THSD7A: variants seen among roughly 807,000 people sequenced by gnomAD.
The protein encoded by THSD7A is thrombospondin type-1 domain-containing protein 7A.
Under a neutral mutation model 231.3 loss-of-function variants are expected in THSD7A, and 96 were observed. The observed-to-expected ratio is 0.41, with a 90% CI of 0.35 to 0.49. THSD7A has a LOEUF of 0.49. Ranked by LOEUF, THSD7A falls within the 20% of genes least tolerant of loss-of-function variation. The pLI, the probability that THSD7A is intolerant of heterozygous loss-of-function variation, is 0.05. For synonymous variants in THSD7A, 940 were observed against 743.3 expected (o/e 1.26, Z -4.30); for missense variants, 2,290 against 2,070.2 (o/e 1.11, Z -2.06).
chr7:11,779,184 T>G (rs966400729), intron 1 of THSD7A, among the ~76,000 whole-genome samples: 1 of 152,196 alleles, frequency 6.6e-6, no homozygotes, highest in African/African-American at 2.4e-5. Context: ...CTCTTTTAAT[T>G]AGAAAAGAGT....
At chr7:11,542,040 C>T (rs1789173587) in intron 5 of THSD7A, among the ~76,000 whole-genome samples, 1 of 152,264 alleles carries the variant, frequency 6.6e-6, no homozygotes, top group African/African-American at 2.4e-5. Context: ...ATACCGATGA[C>T]CAGACAAAAG....
intron 4 of THSD7A, among the ~76,000 whole-genome samples, chr7:11,546,193 T>C (rs6974688): frequency 0.76 from 107,334 of 140,642 alleles, 39,966 homozygotes; most frequent in Admixed American, 0.86. Flanking sequence ...GTTGCTGGTG[T>C]GGGCGCGCGC....
chr7:11,611,624 T>C (rs1173770274), intron 2 of THSD7A, among the ~76,000 whole-genome samples: 1 of 152,022 alleles, frequency 6.6e-6, no homozygotes, highest in Admixed American at 6.6e-5. Context: ...ACTGTACTTA[T>C]ACTCATGCAT....
At position 11,377,837 on chromosome 7, in the gene THSD7A, A is replaced by G. The variant is rs1331562021; in HGVS notation, c.4802-1180T>C. 2 of 152,056 alleles carry G rather than the reference A, an allele frequency of 1.3e-5. No homozygotes were observed. Among genetic ancestry groups the G allele is most frequent in the Admixed American group, 6.6e-5 (1 of 15,246 alleles). 9.4% of individuals were successfully genotyped at this position (152,056 alleles called of 1,614,324 possible). ...TAACTTTGGGGAAACTATATATAAA[A>G]TTTAAAATAATGACAATAATATTCT... On this transcript the variant is annotated intron_variant, in intron 26 of 27. Coordinates refer to ENST00000423059, the MANE Select transcript of THSD7A (RefSeq NM_015204.3). This position sits in a 1 kb window ranked among gnomAD's most constrained non-coding sequence, Gnocchi z 4.5.
chr7:11,441,177 T>C (rs1191217314), intron 13 of THSD7A, among the ~76,000 whole-genome samples: 6 of 152,038 alleles, frequency 3.9e-5, no homozygotes, highest in African/African-American at 1.4e-4. Context: ...GTGAATAAAA[T>C]AGTCTAAGAT....
At chr7:11,447,801 G>A (rs1410113342) in intron 11 of THSD7A, among the ~76,000 whole-genome samples, 2 of 152,096 alleles carry the variant, frequency 1.3e-5, no homozygotes, top group African/African-American at 4.8e-5. Flanking sequence ...GTTGAGCATA[G>A]GGTGTTTGGA....
chr7:11,452,666 G>A (rs1304959800), intron 11 of THSD7A, among the ~76,000 whole-genome samples: 1 of 151,914 alleles, frequency 6.6e-6, no homozygotes, highest in Non-Finnish European at 1.5e-5. Flanking sequence ...AACACATGGA[G>A]CATCCAAGAA....
At chr7:11,436,546 A>C (rs996836519) in intron 13 of THSD7A, among the ~76,000 whole-genome samples, 2 of 152,080 alleles carry the variant, frequency 1.3e-5, no homozygotes, top group African/African-American at 2.4e-5. Context: ...CTGCATTCCC[A>C]TAATTACTGA....
At chr7:11,670,477 C>T (rs1783339730) in intron 1 of THSD7A, among the ~76,000 whole-genome samples, 1 of 152,196 alleles carries the variant, frequency 6.6e-6, no homozygotes, top group Non-Finnish European at 1.5e-5. Context: ...CAAGAGTTTG[C>T]CTTAGGGCTC....
At chr7:11,495,328 A>G (rs1262625400) in intron 6 of THSD7A, among the ~76,000 whole-genome samples, 1 of 152,186 alleles carries the variant, frequency 6.6e-6, no homozygotes, top group South Asian at 2.1e-4. Context: ...GGTAAACTTT[A>G]GAAGACCCTT....
intron 23 of THSD7A, among the ~76,000 whole-genome samples, chr7:11,394,739 G>T (rs551126742): frequency 8.5e-5 from 13 of 152,240 alleles, no homozygotes; most frequent in Admixed American, 5.2e-4. Flanking sequence ...AGCTTCTCGG[G>T]GCTGCACTTT....
At position 11,401,832 on chromosome 7, in the gene THSD7A, C is replaced by G; in HGVS notation, c.4374G>C (p.Leu1458=). The G allele has an allele frequency of 6.2e-7, 1 of 1,613,822 alleles. No individual in the cohort carries two copies. The highest frequency in any genetic ancestry group is 8.5e-7 in the Non-Finnish European group (1 of 1,179,844). ...TTGTTTCTAACATCTGCTCTGGGCA[C>G]AGATGCTGATTCTCTAGTTCTTGTA... ...VIIQELENQH[L]CPEQMLETKS... Residue 1458 remains leucine, a synonymous_variant, in exon 23 of 28, where the codon CTG becomes CTC. Coordinates refer to ENST00000423059, the MANE Select transcript of THSD7A (RefSeq NM_015204.3).
chr7:11,402,052 G>T, intron 22 of THSD7A, 84 bp from the exon 23 acceptor site: 1 of 1,150,272 alleles, frequency 8.7e-7, no homozygotes, highest in Non-Finnish European at 1.2e-6. Context: ...ACCCCAGTAG[G>T]CAATGTTTCT....
At chr7:11,772,870 A>G (rs1783278924) in intron 1 of THSD7A, among the ~76,000 whole-genome samples, 2 of 152,208 alleles carry the variant, frequency 1.3e-5, no homozygotes, top group Admixed American at 6.5e-5. Flanking sequence ...AAAATAAAAG[A>G]TGACAAAAAA....
intron 3 of THSD7A, among the ~76,000 whole-genome samples, chr7:11,592,455 A>C (rs964669528): frequency 6.6e-6 from 1 of 152,248 alleles, no homozygotes; most frequent in Non-Finnish European, 1.5e-5. Context: ...GATTAAGCTG[A>C]AATATTGCTA....
chr7:11,519,608 A>G (rs11972052), intron 6 of THSD7A, among the ~76,000 whole-genome samples: 18,153 of 152,094 alleles, frequency 0.12, 1,299 homozygotes, highest in African/African-American at 0.2. Flanking sequence ...GAGGTGTATC[A>G]TTTTGGTTTT....
intron 15 of THSD7A, 60 bp from the exon 16 acceptor site, chr7:11,424,889 T>C (rs1288940353): frequency 6.3e-7 from 1 of 1,594,584 alleles, no homozygotes; most frequent in Non-Finnish European, 8.6e-7. Flanking sequence ...GGAGGAAGAC[T>C]TCCACACCAT....
In THSD7A at chr7:11,447,215, C is replaced by T. The variant is rs1261330394; in HGVS notation, c.2800+15G>A. 6 of 1,612,070 alleles carry T rather than the reference C, an allele frequency of 3.7e-6. No individual in the cohort carries two copies. In the South Asian group the frequency reaches 4.4e-5, roughly 12 times the overall value. On this transcript the variant is annotated intron_variant, in intron 12 of 27. Transcript: ENST00000423059. ...CTTTGACGTGTACTGGCTTTGGCAT[C>T]CCAATTATTCTTACCAACAAGAGTG...
At chr7:11,422,234 C>T (rs187633417) in intron 16 of THSD7A, among the ~76,000 whole-genome samples, 1 of 152,214 alleles carries the variant, frequency 6.6e-6, no homozygotes, top group Admixed American at 6.5e-5. Context: ...AAAAAATATC[C>T]TTCCCTACCA....
Sources: gnomAD v4.1 joint callset for allele counts (sites outside exome capture counted in the v4.1 genomes callset) on GRCh38, gnomAD v4.1.1 for gene constraint, Gnocchi (gnomAD v3.1) non-coding constraint, MANE v1.5 for transcripts, NCBI Gene and HGNC (gene_info 2026-07-23, HGNC 2026-07-21) for gene names.